Variants in ARHGAP24 observed in about 807,000 individuals in gnomAD.
ARHGAP24 encodes the protein rho GTPase-activating protein 24.
A neutral mutation model predicts 76.4 loss-of-function variants in ARHGAP24; 50 were observed. The ratio of observed to expected loss-of-function variants is 0.65; its 90% CI spans 0.52 to 0.83. The LOEUF (loss-of-function observed/expected upper bound fraction) is 0.83. Among genes scored for constraint, ARHGAP24 ranks in the 40% least tolerant of loss-of-function variants. The pLI, the probability that ARHGAP24 is intolerant of heterozygous loss-of-function variation, is 0.00. For synonymous variants in ARHGAP24, 345 were observed against 323.3 expected (o/e 1.07, Z -0.72); for missense variants, 930 against 914.2 (o/e 1.02, Z -0.22).
In ARHGAP24 at chr4:85,554,916, G is replaced by A. The variant is rs1368422897; in HGVS notation, c.-20-15606G>A. Among the ~76,000 whole-genome samples, 5 of 151,360 alleles carry A rather than the reference G, an allele frequency of 3.3e-5. No individual in the cohort carries two copies. In the East Asian group the frequency reaches 5.8e-4, roughly 18 times the overall value. ...AGGATGTTCTCAATCTCCTGACCTCGTGATCTGCCCACCTCAGCCTCCCAA... is the reference window on the plus strand; with the variant it reads ...AGGATGTTCTCAATCTCCTGACCTCATGATCTGCCCACCTCAGCCTCCCAA... On this transcript the variant is annotated intron_variant, in intron 1 of 9. Coordinates refer to ENST00000395184, the MANE Select transcript of ARHGAP24 (RefSeq NM_001025616.3).
chr4:85,981,888 G>C (rs554401943), intron 8 of ARHGAP24, among the ~76,000 whole-genome samples: 2 of 152,130 alleles, frequency 1.3e-5, no homozygotes, highest in South Asian at 4.2e-4. Flanking sequence ...TTAACTCTTC[G>C]CATTTTCCAG....
Position 85,737,466 on chromosome 4 carries a change from G to A in ARHGAP24, c.268+15494G>A, listed in dbSNP as rs573402615. ...ATAGGAAACTCTAGGCAGCAAACTG[G>A]TTGTGGGCTCAGTCTAATGGTCACT... On this transcript the variant is annotated intron_variant, in intron 3 of 9. Transcript: ENST00000395184. Among the ~76,000 whole-genome samples the A allele has an allele frequency of 3.3e-5, 5 of 152,308 alleles. No individual in the cohort carries two copies. The South Asian group carries it at 1.0e-3, about 32-fold the overall frequency.
intron 3 of ARHGAP24, among the ~76,000 whole-genome samples, chr4:85,894,513 C>A (rs942855397): frequency 3.3e-5 from 5 of 152,160 alleles, no homozygotes; most frequent in Non-Finnish European, 7.3e-5. Context: ...CCAGATCAGA[C>A]AAGATTGATA....
rs199672816 is a variant in ARHGAP24 at position 85,656,969 on chromosome 4, G to A, written c.181-64916G>A. On this transcript the variant is annotated intron_variant, in intron 2 of 9. Transcript: ENST00000395184. Reference sequence around the variant, plus strand: ...AGCTGCTTTAAAAAAAATGTTTACAGCAAATTATGTAGAATAGTGAAAAAT... The same window carrying A: ...AGCTGCTTTAAAAAAAATGTTTACAACAAATTATGTAGAATAGTGAAAAAT... 1.3e-3 allele frequency among the ~76,000 whole-genome samples: 202 copies of A among 152,034 alleles called. 5 individuals are homozygous for A. In the East Asian group the frequency reaches 0.036, roughly 27 times the overall value.
intron 1 of ARHGAP24, among the ~76,000 whole-genome samples, chr4:85,509,816 T>C (rs1321654211): frequency 6.6e-6 from 1 of 152,042 alleles, no homozygotes; most frequent in Non-Finnish European, 1.5e-5. Context: ...CATTTATATT[T>C]ATAATATGTA....
intron 3 of ARHGAP24, among the ~76,000 whole-genome samples, chr4:85,795,786 C>A (rs1321663661): frequency 6.6e-6 from 1 of 151,818 alleles, no homozygotes; most frequent in Admixed American, 6.6e-5. Flanking sequence ...AACACAAAGC[C>A]AAAACTAAAA....
At chr4:85,706,936 G>T (rs1724332375) in intron 2 of ARHGAP24, among the ~76,000 whole-genome samples, 1 of 151,970 alleles carries the variant, frequency 6.6e-6, no homozygotes, top group African/African-American at 2.4e-5. Context: ...GTTGTTTTGT[G>T]ACAGGGTCTT....
At chr4:85,596,046 T>G (rs1719823695) in intron 2 of ARHGAP24, among the ~76,000 whole-genome samples, 1 of 151,762 alleles carries the variant, frequency 6.6e-6, no homozygotes. Flanking sequence ...ACATGTTACT[T>G]AAAAGGAAAT....
intron 3 of ARHGAP24, among the ~76,000 whole-genome samples, chr4:85,834,428 A>G (rs1730159142): frequency 6.6e-6 from 1 of 152,234 alleles, no homozygotes; most frequent in South Asian, 2.1e-4. Flanking sequence ...TCCTATCTCA[A>G]GTACACTTTG....
intron 3 of ARHGAP24, among the ~76,000 whole-genome samples, chr4:85,905,589 C>T (rs967156297): frequency 3.3e-5 from 5 of 152,146 alleles, no homozygotes; most frequent in Non-Finnish European, 5.9e-5. Flanking sequence ...TAAAGAACTA[C>T]GCTTCCACAA....
intron 3 of ARHGAP24, among the ~76,000 whole-genome samples, chr4:85,918,116 A>G (rs1735523373): frequency 6.6e-6 from 1 of 152,112 alleles, no homozygotes; most frequent in South Asian, 2.1e-4. Context: ...GAAATTATAG[A>G]AAAGTACAAA....
At chr4:85,790,030 C>G (rs963885743) in intron 3 of ARHGAP24, among the ~76,000 whole-genome samples, 1 of 152,020 alleles carries the variant, frequency 6.6e-6, no homozygotes, top group Non-Finnish European at 1.5e-5. Context: ...TTATTAGGTG[C>G]AGAAATCACT....
chr4:85,868,529 G>T (rs1327701823), intron 3 of ARHGAP24, among the ~76,000 whole-genome samples: 2 of 151,974 alleles, frequency 1.3e-5, no homozygotes. Flanking sequence ...ACAAAGTATT[G>T]GCCTATACTC....
chr4:85,614,904 T>C (rs1720498913), intron 2 of ARHGAP24, among the ~76,000 whole-genome samples: 1 of 152,152 alleles, frequency 6.6e-6, no homozygotes, highest in Admixed American at 6.5e-5. Context: ...TATTTATAAA[T>C]TGTCCTCCTT....
At chr4:85,546,670 T>A (rs1020479118) in intron 1 of ARHGAP24, among the ~76,000 whole-genome samples, 1 of 152,242 alleles carries the variant, frequency 6.6e-6, no homozygotes, top group African/African-American at 2.4e-5. Flanking sequence ...TCTAGCATAG[T>A]AACCTTTCAA....
intron 3 of ARHGAP24, among the ~76,000 whole-genome samples, chr4:85,734,630 C>T (rs976342709): frequency 4.5e-5 from 5 of 111,672 alleles, no homozygotes; most frequent in Non-Finnish European, 7.4e-5. Flanking sequence ...TGACATAATT[C>T]AGGGAATTTT....
At chr4:85,479,402 A>G (rs1438286485) in intron 1 of ARHGAP24, among the ~76,000 whole-genome samples, 2 of 152,232 alleles carry the variant, frequency 1.3e-5, no homozygotes, top group Non-Finnish European at 1.5e-5. Flanking sequence ...ATATTGTACT[A>G]TAAAATCTGT....
chr4:85,998,831 C>A (rs190131723), intron 9 of ARHGAP24, among the ~76,000 whole-genome samples: 2 of 152,102 alleles, frequency 1.3e-5, no homozygotes, highest in African/African-American at 4.8e-5. Context: ...TTCTGCCTGC[C>A]TAATACTGGA....
rs1442709558 is a variant in ARHGAP24, at chr4:85,570,682, G to A, written c.141G>A (p.Gln47=). 2 of 1,614,104 alleles carry A rather than the reference G, an allele frequency of 1.2e-6. No individual in the cohort carries two copies. The highest frequency in any genetic ancestry group is 4.5e-5 in the East Asian group (2 of 44,876). ...HTRWFVLKGD[Q]LYYFKDEDET... is the part of the protein sequence containing the mutation. ...GCTGGTTTGTGCTCAAGGGGGATCAGCTCTATTATTTCAAAGATGAAGATG... is the reference window on the plus strand; with the variant it reads ...GCTGGTTTGTGCTCAAGGGGGATCAACTCTATTATTTCAAAGATGAAGATG... The change falls in exon 2 of 10, where the codon CAG becomes CAA. Residue 47 remains glutamine (Q), a synonymous_variant. Transcript: ENST00000395184.
Sources: gnomAD v4.1 joint callset for allele counts (sites outside exome capture counted in the v4.1 genomes callset) on GRCh38, gnomAD v4.1.1 for gene constraint, MANE v1.5 for transcripts, NCBI Gene and HGNC (gene_info 2026-07-23, HGNC 2026-07-21) for gene names.